The following USF1 variants were observed in gnomAD, a reference collection of about 807,000 sequenced individuals.
USF1 encodes the protein upstream stimulatory factor 1.
A neutral mutation model predicts 46.3 loss-of-function variants in USF1; 22 were observed. That is an observed-to-expected ratio of 0.47 (90% CI 0.34 to 0.68). The LOEUF (loss-of-function observed/expected upper bound fraction) is 0.68. USF1 is among the 30% of genes least tolerant of loss of function. The pLI is 0.01. For synonymous variants in USF1, 150 were observed against 147.0 expected, an observed-to-expected ratio of 1.02 and a Z score of -0.15; for missense variants, 287 against 399.3, an observed-to-expected ratio of 0.72 and a Z score of 2.40.
intron 1 of USF1, among the ~76,000 whole-genome samples, chr1:161,043,644 GAC>G (rs1178540871): frequency 8.1e-6 from 1 of 122,708 alleles, no homozygotes; most frequent in African/African-American, 3.1e-5. Flanking sequence ...TTTTTTTTGA[GAC>G]AGAGTCTCTC....
chr1:161,042,463 C>A, intron 4 of USF1, 92 bp downstream of exon 4: 1 of 1,411,986 alleles, frequency 7.1e-7, no homozygotes. Flanking sequence ...TTCAACTCAT[C>A]CTCCAAGCCA....
chr1:161,043,634 T>C (rs1395294360), intron 1 of USF1, among the ~76,000 whole-genome samples: 1 of 150,350 alleles, frequency 6.7e-6, no homozygotes, highest in African/African-American at 2.5e-5. Context: ...TTTTTTTTTT[T>C]TTTTTTTGAG....
At chr1:161,043,443 T>C (rs1432578227) in intron 1 of USF1, 83 bp from the exon 2 acceptor site, 8 of 1,065,860 alleles carry the variant, frequency 7.5e-6, no homozygotes, top group South Asian at 4.7e-5. Context: ...CATGAACACA[T>C]AGCCAGGAAA....
In USF1 at chr1:161,040,199, G is replaced by C. The variant is rs777326802; in HGVS notation, c.843+3C>G. ...AGGGCTGCACTGGGGGTAGGAGTCT[G>C]ACCTGTTGTCGAAGCACGTCATTGT... On this transcript the variant is annotated splice_donor_region_variant and intron_variant, in intron 10 of 10. Transcript: ENST00000368021. The surrounding 1 kb of genome is among the most constrained non-coding windows in gnomAD (Gnocchi z 4.0). 4 of 1,613,970 alleles carry C rather than the reference G, an allele frequency of 2.5e-6. No individual in the cohort carries two copies. The African/African-American group carries it at 5.3e-5, about 22-fold the overall frequency.
chr1:161,042,684 A>T lies in USF1; in HGVS notation c.59-14T>A, dbSNP rs1650620509. The T allele has an allele frequency of 1.2e-5, 19 of 1,614,042 alleles. No individual in the cohort carries two copies. Among genetic ancestry groups the T allele is most frequent in the Non-Finnish European group, 1.5e-5 (18 of 1,179,988 alleles). ...TAGCCACTGCACCTGAATTAAAAGA[A>T]CAAAGGAAAAGTCTGTGAGTTAACT... On this transcript the variant is annotated splice_polypyrimidine_tract_variant and intron_variant, in intron 3 of 10. Coordinates refer to ENST00000368021, the MANE Select transcript of USF1 (RefSeq NM_007122.5).
intron 5 of USF1, 103 bp downstream of exon 5, chr1:161,042,013 C>A (rs1650585727): frequency 7.3e-7 from 1 of 1,378,390 alleles, no homozygotes; most frequent in African/African-American, 1.4e-5. Context: ...GACAAGGCAG[C>A]CTTAGATGCC....
chr1:161,043,521 A>T (rs1309854571), intron 1 of USF1, among the ~76,000 whole-genome samples, 161 bp from the exon 2 acceptor site: 1 of 152,056 alleles, frequency 6.6e-6, no homozygotes, highest in Non-Finnish European at 1.5e-5. Flanking sequence ...GCCTACAGTG[A>T]TTGAAAAAGC....
chr1:161,042,317 C>A (rs1650601711), intron 4 of USF1, 100 bp from the exon 5 acceptor site: 1 of 1,255,726 alleles, frequency 8.0e-7, no homozygotes, highest in Non-Finnish European at 1.1e-6. Flanking sequence ...GATAGGGCCC[C>A]AAAACAAAGT....
In USF1 at chr1:161,040,882, G is replaced by A. The variant is rs1467280114; in HGVS notation, c.561-10C>T. ...GGGAGCTTCTGACTTCCTGACAACA[G>A]AGCCCAGGGTGGCCAGAGTAAGAAG... On this transcript the variant is annotated splice_polypyrimidine_tract_variant and intron_variant, in intron 7 of 10. Coordinates refer to ENST00000368021, the MANE Select transcript of USF1 (RefSeq NM_007122.5). The surrounding 1 kb of genome is among the most constrained non-coding windows in gnomAD (Gnocchi z 4.0). 1 of 1,613,962 alleles carries A rather than the reference G, an allele frequency of 6.2e-7. No homozygotes were observed. Among genetic ancestry groups the A allele is most frequent in the Non-Finnish European group, 8.5e-7 (1 of 1,180,026 alleles).
At position 161,039,725 on chromosome 1, in the gene USF1, C is replaced by T; in HGVS notation, c.*195G>A. Reference sequence around the variant, plus strand: ...GCATGGTGGGGGTGGGCAAGGCTGTCAGTGCACGTCCACATTGTGTGTTTC... The same window carrying T: ...GCATGGTGGGGGTGGGCAAGGCTGTTAGTGCACGTCCACATTGTGTGTTTC... On this transcript the variant is annotated 3_prime_UTR_variant, in exon 11 of 11. Coordinates refer to ENST00000368021, the MANE Select transcript of USF1 (RefSeq NM_007122.5). 3.3e-6 allele frequency: 2 copies of T among 609,940 alleles called. No individual in the cohort carries two copies. Among genetic ancestry groups the T allele is most frequent in the East Asian group, 2.8e-5 (1 of 35,438 alleles). 37.8% of individuals were successfully genotyped at this position (609,940 alleles called of 1,614,324 possible).
intron 1 of USF1, among the ~76,000 whole-genome samples, chr1:161,043,652 CT>C (rs1260908194): frequency 7.3e-6 from 1 of 137,322 alleles, no homozygotes; most frequent in Non-Finnish European, 1.5e-5. Flanking sequence ...GAGACAGAGT[CT>C]CTCTCTGTCA....
chr1:161,039,869 G>T lies in USF1; in HGVS notation c.*51C>A, dbSNP rs767898525. ...GAAAGGGGCACGGGATTAGGCTGTT[G>T]CTCCTGGGCTATCTGCAGTTCTTGG... On this transcript the variant is annotated 3_prime_UTR_variant, in exon 11 of 11. Transcript: ENST00000368021. 5 of 1,590,600 alleles carry T rather than the reference G, an allele frequency of 3.1e-6. No homozygotes were observed. The highest frequency in any genetic ancestry group is 1.3e-5 in the African/African-American group (1 of 74,456).
chr1:161,040,517 A>C lies in USF1; in HGVS notation c.714+59T>G. ...GTGCCCCTCTCTCTACCATTTCTGG[A>C]AACAATACCAGGAGGCAGAATTCAG... On this transcript the variant is annotated intron_variant, in intron 9 of 10. Coordinates refer to ENST00000368021, the MANE Select transcript of USF1 (RefSeq NM_007122.5). This position sits in a 1 kb window ranked among gnomAD's most constrained non-coding sequence, Gnocchi z 4.0. 3 of 1,589,076 alleles carry C rather than the reference A, an allele frequency of 1.9e-6. No homozygotes were observed. Among genetic ancestry groups the C allele is most frequent in the Non-Finnish European group, 2.6e-6 (3 of 1,166,178 alleles).
chr1:161,041,983 A>T (rs1650584535), intron 5 of USF1, 133 bp downstream of exon 5: 4 of 1,324,050 alleles, frequency 3.0e-6, no homozygotes, highest in Non-Finnish European at 4.2e-6. Context: ...CATCCAGAAA[A>T]GGAGAGCCTA....
Position 161,041,645 on chromosome 1 carries a change from T to G in USF1, c.472+6A>C. 6.2e-7 allele frequency: 1 copy of G among 1,604,876 alleles called. No individual in the cohort carries two copies. Among genetic ancestry groups the G allele is most frequent in the Non-Finnish European group, 8.5e-7 (1 of 1,173,258 alleles). On this transcript the variant is annotated splice_donor_region_variant and intron_variant, in intron 6 of 10. Transcript: ENST00000368021. ...TTTCAGCCAGCATCCTCATGCAATA[T>G]CTCACCAGTGCCAGGAGGGGTCGCC...
chr1:161,045,627 G>A (rs1650778841), intron 1 of USF1, among the ~76,000 whole-genome samples: 1 of 152,202 alleles, frequency 6.6e-6, no homozygotes, highest in South Asian at 2.1e-4. Context: ...CGGCGGCTGC[G>A]GCGCGCAGCT....
intron 7 of USF1, 136 bp downstream of exon 7, chr1:161,041,187 TG>T: frequency 1.3e-6 from 1 of 773,600 alleles, no homozygotes; most frequent in Non-Finnish European, 2.0e-6. Flanking sequence ...GCTTGAACCC[TG>T]GAAGCAGAGG....
intron 2 of USF1, 101 bp from the exon 3 acceptor site, chr1:161,042,983 C>A: frequency 6.5e-7 from 1 of 1,532,400 alleles, no homozygotes. Context: ...GCATTCCCAA[C>A]AGAAGCTGGG....
intron 5 of USF1, 133 bp from the exon 6 acceptor site, chr1:161,041,979 GA>G: frequency 1.5e-6 from 2 of 1,325,426 alleles, no homozygotes; most frequent in Non-Finnish European, 1.0e-6. Flanking sequence ...GAAACATCCA[GA>G]AAAGGAGAGC....
Sources: allele counts gnomAD v4.1 joint callset (sites outside exome capture counted in the v4.1 genomes callset), GRCh38; gene constraint gnomAD v4.1.1; non-coding constraint Gnocchi (gnomAD v3.1); transcripts MANE v1.5; gene names NCBI Gene and HGNC (gene_info 2026-07-23, HGNC 2026-07-21).